Variants in SYNGR1 observed in about 807,000 individuals in gnomAD.
SYNGR1 encodes the protein synaptogyrin 1, also known as synaptogyrin-1.
Under a neutral mutation model 26.1 loss-of-function variants are expected in SYNGR1, and 14 were observed. The ratio of observed to expected loss-of-function variants is 0.54; its 90% confidence interval spans 0.35 to 0.84. SYNGR1 has a LOEUF of 0.84. Ranked by LOEUF, SYNGR1 falls within the 40% of genes least tolerant of loss-of-function variation. The probability of loss-of-function intolerance (pLI) is 0.01; values close to 1 mark genes in which losing one functional copy is unlikely to be tolerated. For missense variants in SYNGR1, 319 were observed against 332.9 expected (o/e 0.96, Z 0.33); for synonymous variants, 141 against 150.1 (o/e 0.94, Z 0.44).
chr22:39,375,672 C>G (rs899132712), intron 2 of SYNGR1: 35 of 565,468 alleles, frequency 6.2e-5, no homozygotes, highest in Non-Finnish European at 9.7e-5. Flanking sequence ...ACCGGGGGGG[C>G]CCACGTCAGC....
rs58877789 is a variant in SYNGR1, at chr22:39,380,616, C to CTTTTTTTT, written c.484-1063_484-1056dup. On this transcript the variant is annotated intron_variant, in intron 3 of 3. Transcript: ENST00000328933. ...GTCTTGCTATGTTGCCCAAGCTGGC[C>CTTTTTTTT]TTTTTTTTTTTTTTTTTTTTTTTTG... 2.1e-4 allele frequency among the ~76,000 whole-genome samples: 15 copies of CTTTTTTTT among 69,976 alleles called. 1 individual carries two copies. The highest frequency in any genetic ancestry group is 6.5e-4 in the African/African-American group (9 of 13,862). 45.9% of individuals were successfully genotyped at this position (69,976 alleles called of 152,430 possible).
At chr22:39,358,727 C>G (rs539458922) in intron 1 of SYNGR1, among the ~76,000 whole-genome samples, 2 of 152,282 alleles carry the variant, frequency 1.3e-5, no homozygotes, top group East Asian at 3.9e-4. Flanking sequence ...GTAACACTCA[C>G]CGAGAGGGTC....
intron 1 of SYNGR1, among the ~76,000 whole-genome samples, chr22:39,358,666 C>A (rs1462866625): frequency 2.0e-5 from 3 of 152,098 alleles, no homozygotes; most frequent in African/African-American, 7.2e-5. Flanking sequence ...AAACTCCGGA[C>A]ACATCCGAAC....
At position 39,350,174 on chromosome 22, in the gene SYNGR1, C is replaced by A; in HGVS notation, c.99+65C>A. 8.5e-7 allele frequency: 1 copy of A among 1,179,676 alleles called. No homozygotes were observed. The highest frequency in any genetic ancestry group is 1.1e-6 in the Non-Finnish European group (1 of 923,668). 73.1% of individuals were successfully genotyped at this position (1,179,676 alleles called of 1,614,324 possible). A position where few individuals can be genotyped will look rare whatever the true frequency, so the allele number is the denominator to read the frequency against. On this transcript the variant is annotated intron_variant, in intron 1 of 3. Coordinates refer to ENST00000328933, the MANE Select transcript of SYNGR1 (RefSeq NM_004711.5). The surrounding 1 kb of genome is among the most constrained non-coding windows in gnomAD (Gnocchi z 4.3). ...GGTGGGGGTGTGAGCAAAGGCGGCG[C>A]GCCCGGACCGACCCCGACCCCGACC...
At chr22:39,359,768 C>T (rs61616683) in intron 1 of SYNGR1, among the ~76,000 whole-genome samples, 33,627 of 151,816 alleles carry the variant, frequency 0.22, 5,271 homozygotes, top group East Asian at 0.77. Flanking sequence ...CTCCTCTTCC[C>T]GCATGGTCTT....
intron 3 of SYNGR1, among the ~76,000 whole-genome samples, chr22:39,379,245 A>G (rs9611165): frequency 0.7 from 105,982 of 152,164 alleles, 37,285 homozygotes; most frequent in East Asian, 1. Flanking sequence ...CTTTAGACCT[A>G]GTCTGCCTTT....
In SYNGR1 at chr22:39,375,649, G is replaced by A. The variant is rs570755035; in HGVS notation, c.338-403G>A. On this transcript the variant is annotated intron_variant, in intron 2 of 3. Coordinates refer to ENST00000328933, the MANE Select transcript of SYNGR1 (RefSeq NM_004711.5). ...GGTCTTCCTGCCTGCAGAGTTGCAG[G>A]CATCAGGGGTGGACCGGGGGGGCCC... The A allele has an allele frequency of 3.4e-5, 18 of 523,756 alleles. No homozygotes were observed. The East Asian group carries it at 3.4e-4, about 10-fold the overall frequency. The allele number at this position is 523,756 out of a possible 1,614,324, so 32.4% of individuals were successfully genotyped here.
At position 39,381,914 on chromosome 22, in the gene SYNGR1, A is replaced by T. The variant is rs770764115; in HGVS notation, c.702A>T (p.Ter234CysextTer73). The change falls in exon 4 of 4, where the codon TGA (stop) becomes TGT (cysteine). Residue 234 changes from the stop codon to cysteine (C), a stop_lost. Coordinates refer to ENST00000328933, the MANE Select transcript of SYNGR1 (RefSeq NM_004711.5). ...EPQGYQSQGY[*>C] ...AGGGCTACCAGTCGCAGGGCTACTG[A>T]GCCACAGTGACCGCCTGCCCCCGCC... The T allele has an allele frequency of 6.2e-7, 1 of 1,607,046 alleles. No homozygotes were observed. Among genetic ancestry groups the T allele is most frequent in the Non-Finnish European group, 8.5e-7 (1 of 1,177,340 alleles).
intron 1 of SYNGR1, among the ~76,000 whole-genome samples, chr22:39,361,403 G>C (rs1924466215): frequency 7.1e-6 from 1 of 141,416 alleles, no homozygotes; most frequent in East Asian, 2.0e-4. Context: ...CTGTCACCTA[G>C]GTTGGAGTAC....
intron 3 of SYNGR1, among the ~76,000 whole-genome samples, chr22:39,381,376 A>C (rs1925492225): frequency 6.6e-6 from 1 of 152,166 alleles, no homozygotes; most frequent in Non-Finnish European, 1.5e-5. Context: ...TGAGCCTTTG[A>C]GCCATCTTAA....
chr22:39,381,263 G>C (rs1925489632), intron 3 of SYNGR1, among the ~76,000 whole-genome samples: 1 of 152,318 alleles, frequency 6.6e-6, no homozygotes, highest in South Asian at 2.1e-4. Flanking sequence ...CCAAAACGTA[G>C]TCACATGGCC....
chr22:39,372,660 G>T (rs1323169086), intron 1 of SYNGR1, among the ~76,000 whole-genome samples: 1 of 150,660 alleles, frequency 6.6e-6, no homozygotes, highest in Non-Finnish European at 1.5e-5. Flanking sequence ...GTAGAGACAG[G>T]GTTTCTCCAT....
At position 39,364,380 on chromosome 22, in the gene SYNGR1, T is replaced by C. The variant is rs547583746; in HGVS notation, c.100-9936T>C. The C allele has an allele frequency of 3.1e-5, 50 of 1,604,522 alleles. 1 individual carries two copies. In the East Asian group the frequency reaches 1.1e-3, roughly 34 times the overall value. On this transcript the variant is annotated intron_variant, in intron 1 of 3. Transcript: ENST00000328933. ...CCCTGACTGTGAAATGCTCTAAGTA[T>C]AAGACTGCTTTGTGGGGATGATTTG...
chr22:39,381,614 C>T, intron 3 of SYNGR1, 82 bp from the exon 4 acceptor site: 2 of 1,435,372 alleles, frequency 1.4e-6, no homozygotes, highest in Non-Finnish European at 2.0e-6. Context: ...GAACTAACCA[C>T]CACTAACCCA....
intron 1 of SYNGR1, among the ~76,000 whole-genome samples, chr22:39,367,759 G>T (rs139092131): frequency 1.1e-4 from 16 of 150,110 alleles, no homozygotes; most frequent in African/African-American, 2.7e-4. Context: ...AGAGGCAAAG[G>T]TTGCAGTGAG....
intron 1 of SYNGR1, among the ~76,000 whole-genome samples, chr22:39,371,332 C>T (rs1034179229): frequency 1.3e-5 from 2 of 151,580 alleles, no homozygotes; most frequent in African/African-American, 4.9e-5. Flanking sequence ...CAAAATTAGC[C>T]GGATGTGGTG....
At chr22:39,372,688 C>T (rs999069701) in intron 1 of SYNGR1, among the ~76,000 whole-genome samples, 3 of 151,460 alleles carry the variant, frequency 2.0e-5, no homozygotes, top group East Asian at 1.9e-4. Flanking sequence ...AGGCTGGTCC[C>T]GAACTCCTGA....
chr22:39,363,529 G>A (rs564533832), intron 1 of SYNGR1, among the ~76,000 whole-genome samples: 1 of 152,130 alleles, frequency 6.6e-6, no homozygotes, highest in African/African-American at 2.4e-5. Context: ...GCTGGTGCTG[G>A]GGAGGCTGAG....
In SYNGR1 at chr22:39,374,415, G is replaced by A. The variant is rs1925173093; in HGVS notation, c.199G>A (p.Ala67Thr). ...CTGCATCTACAACCGCAACCCCAAC[G>A]CCTGCAGCTATGGCGTGGCCGTGGG... Reference protein sequence around the residue: ...EFCIYNRNPNACSYGVAVGVL... With the variant: ...EFCIYNRNPNTCSYGVAVGVL... The change falls in exon 2 of 4, where the codon GCC (alanine) becomes ACC (threonine). Residue 67 changes from alanine (A) to threonine (T), a missense_variant. Transcript: ENST00000328933. The A allele has an allele frequency of 9.3e-6, 15 of 1,614,026 alleles. No individual in the cohort carries two copies. Among genetic ancestry groups the A allele is most frequent in the Non-Finnish European group, 1.1e-5 (13 of 1,180,046 alleles).
Sources: gnomAD v4.1 joint callset for allele counts (sites outside exome capture counted in the v4.1 genomes callset) on GRCh38, gnomAD v4.1.1 for gene constraint, Gnocchi (gnomAD v3.1) non-coding constraint, MANE v1.5 for transcripts, NCBI Gene and HGNC (gene_info 2026-07-23, HGNC 2026-07-21) for gene names.